Variants in SFT2D1 observed in about 807,000 individuals in gnomAD.
SFT2D1 encodes SFT2 domain containing 1, also known as vesicle transport protein SFT2A.
A neutral mutation model predicts 28.1 loss-of-function variants in SFT2D1; 24 were observed. The observed-to-expected ratio is 0.85, with a 90% CI of 0.62 to 1.20. The LOEUF (loss-of-function observed/expected upper bound fraction) is 1.20. SFT2D1 is among the 50% of genes most tolerant of loss of function. SFT2D1 has a pLI of 0.00. For synonymous variants in SFT2D1, 82 were observed against 73.7 expected (o/e 1.11, Z -0.58); for missense variants, 181 against 190.9 (o/e 0.95, Z 0.31).
chr6:166,329,733 C>A, intron 2 of SFT2D1, 144 bp from the exon 3 acceptor site: 1 of 641,314 alleles, frequency 1.6e-6, no homozygotes, highest in Non-Finnish European at 2.5e-6. Context: ...AGTCTGATTA[C>A]ACAGAAAAAA....
intron 4 of SFT2D1, among the ~76,000 whole-genome samples, chr6:166,327,520 T>C (rs889023315): frequency 6.6e-6 from 1 of 152,068 alleles, no homozygotes; most frequent in Non-Finnish European, 1.5e-5. Flanking sequence ...TTGTTAGAAT[T>C]TGTCAAGTTG....
Position 166,329,563 on chromosome 6 carries a change from G to A in SFT2D1, c.177C>T (p.Gly59=), listed in dbSNP as rs1327222564. 14 of 1,607,400 alleles carry A rather than the reference G, an allele frequency of 8.7e-6. No homozygotes were observed. The highest frequency in any genetic ancestry group is 1.7e-4 in the Middle Eastern group (1 of 6,060). ...ILGTGLLWLP[G]GIKLFAVFYT... ...AAAACACTGCAAAAAGCTTTATGCC[G>A]CCCGGAAGCCACAGCAATCCAGTTC... The change falls in exon 3 of 8, where the codon GGC becomes GGT. Residue 59 remains glycine (G), a synonymous_variant. Coordinates refer to ENST00000361731, the MANE Select transcript of SFT2D1 (RefSeq NM_145169.3).
At chr6:166,329,335 T>C (rs1193106159) in intron 3 of SFT2D1, among the ~76,000 whole-genome samples, 172 bp downstream of exon 3, 2 of 152,232 alleles carry the variant, frequency 1.3e-5, no homozygotes, top group Admixed American at 6.5e-5. Context: ...CCGTCTGTTA[T>C]GGGAGACGGC....
intron 1 of SFT2D1, among the ~76,000 whole-genome samples, chr6:166,341,422 C>T (rs896393259): frequency 6.7e-6 from 1 of 148,614 alleles, no homozygotes; most frequent in African/African-American, 2.5e-5. Context: ...GCACTCCAGG[C>T]CTGAGCGACA....
intron 6 of SFT2D1, chr6:166,324,311 T>C (rs527383842): frequency 7.5e-5 from 34 of 453,142 alleles, no homozygotes; most frequent in Non-Finnish European, 1.2e-4. Context: ...AACATATCAC[T>C]ATGTAACTCT....
At chr6:166,327,206 T>G (rs1778461429) in intron 4 of SFT2D1, among the ~76,000 whole-genome samples, 3 of 152,196 alleles carry the variant, frequency 2.0e-5, no homozygotes, top group Admixed American at 2.0e-4. Context: ...ACATTTAAAT[T>G]CTTTAAATAT....
At chr6:166,333,413 C>T (rs1778587302) in intron 1 of SFT2D1, among the ~76,000 whole-genome samples, 1 of 152,298 alleles carries the variant, frequency 6.6e-6, no homozygotes, top group South Asian at 2.1e-4. Flanking sequence ...TCTTCCTGCT[C>T]GAAATTACAC....
rs756819662 is a variant in SFT2D1, at chr6:166,328,355, G to A, written c.236C>T (p.Thr79Ile). The change falls in exon 4 of 8, where the codon ACA becomes ATA. Residue 79 changes from threonine to isoleucine, a missense_variant and splice_region_variant. Transcript: ENST00000361731. ...CTTCACAGGTCCCATTAAAAAGCAT[G>A]TACTATTTGAAACAAATAAAGTGAC... ...TLGNLAALAS[T>I]CFLMGPVKQL... 3 of 1,565,448 alleles carry A rather than the reference G, an allele frequency of 1.9e-6. No individual in the cohort carries two copies. The highest frequency in any genetic ancestry group is 2.6e-6 in the Non-Finnish European group (3 of 1,154,284).
At chr6:166,324,489 C>T (rs1778408928) in intron 6 of SFT2D1, 48 bp downstream of exon 6, 1 of 1,570,030 alleles carries the variant, frequency 6.4e-7, no homozygotes, top group Non-Finnish European at 8.7e-7. Flanking sequence ...AAATGCTCGT[C>T]ACGTCTCAGG....
Position 166,319,877 on chromosome 6 carries a change from A to G in SFT2D1, c.*340T>C, listed in dbSNP as rs1778315278. 1 of 175,418 alleles carries G rather than the reference A, an allele frequency of 5.7e-6. No homozygotes were observed. The highest frequency in any genetic ancestry group is 2.0e-4 in the South Asian group (1 of 5,076). The allele number at this position is 175,418 out of a possible 1,614,324, so 10.9% of individuals were successfully genotyped here. ...TGCAGACATTTTTTAAAAGCAAAAAAGTTTAATTATCTTGCAGCACAGGTC... is the reference window on the plus strand; with the variant it reads ...TGCAGACATTTTTTAAAAGCAAAAAGGTTTAATTATCTTGCAGCACAGGTC... On this transcript the variant is annotated 3_prime_UTR_variant, in exon 8 of 8. Coordinates refer to ENST00000361731, the MANE Select transcript of SFT2D1 (RefSeq NM_145169.3).
intron 1 of SFT2D1, among the ~76,000 whole-genome samples, chr6:166,339,898 T>C (rs1778743620): frequency 6.6e-6 from 1 of 152,230 alleles, no homozygotes; most frequent in Non-Finnish European, 1.5e-5. Context: ...AACTCTACAG[T>C]GTTACGTCCA....
chr6:166,332,271 T>A (rs1223244357), intron 1 of SFT2D1, among the ~76,000 whole-genome samples: 4 of 152,216 alleles, frequency 2.6e-5, no homozygotes, highest in African/African-American at 9.6e-5. Flanking sequence ...CGTCTGCTTA[T>A]CACAAGCATT....
intron 1 of SFT2D1, among the ~76,000 whole-genome samples, chr6:166,337,970 T>C (rs1366794965): frequency 6.6e-6 from 1 of 152,118 alleles, no homozygotes; most frequent in Non-Finnish European, 1.5e-5. Context: ...CTCTGCTCTC[T>C]GCCATGTCAA....
At chr6:166,328,136 C>G in intron 4 of SFT2D1, 140 bp downstream of exon 4, 1 of 386,268 alleles carries the variant, frequency 2.6e-6, no homozygotes, top group Admixed American at 4.6e-5. Flanking sequence ...AGTATACATA[C>G]AACCCTGAAA....
At chr6:166,328,199 A>G (rs778693219) in intron 4 of SFT2D1, 77 bp downstream of exon 4, 525 of 777,314 alleles carry the variant, frequency 6.8e-4, no homozygotes, top group Non-Finnish European at 9.4e-4. Context: ...GTATACATAC[A>G]TAACAGGCAA....
At chr6:166,332,207 A>G (rs575390532) in intron 1 of SFT2D1, among the ~76,000 whole-genome samples, 8 of 152,234 alleles carry the variant, frequency 5.3e-5, no homozygotes, top group Non-Finnish European at 8.8e-5. Flanking sequence ...ATGCTTCAAC[A>G]TGAAAGAAAA....
intron 4 of SFT2D1, among the ~76,000 whole-genome samples, chr6:166,327,118 AGAGTT>A (rs1217775834): frequency 6.6e-6 from 1 of 152,254 alleles, no homozygotes; most frequent in Non-Finnish European, 1.5e-5. Flanking sequence ...CAGGCAGATT[AGAGTT>A]AACAAACATT....
chr6:166,328,467 ATC>A, intron 3 of SFT2D1, 110 bp from the exon 4 acceptor site: 1 of 601,254 alleles, frequency 1.7e-6, no homozygotes, highest in Non-Finnish European at 2.6e-6. Context: ...TTTAATTAAA[ATC>A]TCTCACTAAA....
chr6:166,324,721 T>C (rs1029553183), intron 5 of SFT2D1, 126 bp from the exon 6 acceptor site: 10 of 876,792 alleles, frequency 1.1e-5, no homozygotes, highest in Non-Finnish European at 1.7e-5. Context: ...TAAATTTTAG[T>C]GTGATAAATT....
Sources: allele counts gnomAD v4.1 joint callset (sites outside exome capture counted in the v4.1 genomes callset), GRCh38; gene constraint gnomAD v4.1.1; transcripts MANE v1.5; gene names NCBI Gene and HGNC (gene_info 2026-07-23, HGNC 2026-07-21).